The following RNH1 variants were observed in gnomAD, a reference collection of about 807,000 sequenced individuals.
The protein encoded by RNH1 is ribonuclease inhibitor.
A neutral mutation model predicts 46.1 loss-of-function variants in RNH1; 38 were observed. The observed-to-expected ratio is 0.82, with a 90% CI of 0.64 to 1.08. The LOEUF (loss-of-function observed/expected upper bound fraction) is 1.08, where lower values mean the gene tolerates loss of function less well. RNH1 is among the 50% of genes least tolerant of loss of function. The probability of loss-of-function intolerance (pLI) is 0.00; values close to 1 mark genes in which losing one functional copy is unlikely to be tolerated. For synonymous variants in RNH1, 319 were observed against 279.1 expected, an observed-to-expected ratio of 1.14 and a Z score of -1.43; for missense variants, 577 against 590.7, an observed-to-expected ratio of 0.98 and a Z score of 0.24.
At chr11:500,446 C>T in intron 4 of RNH1, 38 bp downstream of exon 4, 1 of 1,580,998 alleles carries the variant, frequency 6.3e-7, no homozygotes, top group Non-Finnish European at 8.6e-7. Context: ...CCAAAGCAGA[C>T]TGCACCAGGC....
At chr11:506,526 C>G (rs998739815) in intron 1 of RNH1, 4 of 152,156 alleles carry the variant, frequency 2.6e-5, no homozygotes, top group Admixed American at 2.6e-4. Context: ...GGCGTCCGGT[C>G]CCCCGGTGGT....
intron 1 of RNH1, 38 bp from the exon 2 acceptor site, chr11:505,034 T>G (rs1229234649): frequency 6.6e-6 from 1 of 152,114 alleles, no homozygotes; most frequent in Non-Finnish European, 1.5e-5. Context: ...TTTTTTTTTT[T>G]GTTTGGTCCC....
chr11:499,119 C>T lies in RNH1; in HGVS notation c.510G>A (p.Pro170=), dbSNP rs765669919. ...EPLASVLRAK[P]DFKELTVSNN... ...TGCTAACCGTGAGCTCCTTGAAGTC[C>T]GGCTTGGCCCTGAGCACGGAGGCCA... The change falls in exon 6 of 11, where the codon CCG becomes CCA. Residue 170 remains proline (P), a synonymous_variant. Coordinates refer to ENST00000354420, the MANE Select transcript of RNH1 (RefSeq NM_203387.3). 1.2e-5 allele frequency: 19 copies of T among 1,613,298 alleles called. No individual in the cohort carries two copies. Among genetic ancestry groups the T allele is most frequent in the Admixed American group, 1.7e-5 (1 of 60,010 alleles).
intron 5 of RNH1, chr11:499,505 C>G (rs764608331): frequency 1.2e-4 from 86 of 696,630 alleles, no homozygotes; most frequent in Non-Finnish European, 2.4e-5. Flanking sequence ...GGCCGGGTCC[C>G]CCACACACAC....
At position 499,194 on chromosome 11, in the gene RNH1, C is replaced by A; in HGVS notation, c.444-9G>T. ...GGCTGCAATACTCCAGCCTGGGGGACAGCAGAGCTCAGCACCACACAGGAA... is the reference window on the plus strand; with the variant it reads ...GGCTGCAATACTCCAGCCTGGGGGAAAGCAGAGCTCAGCACCACACAGGAA... On this transcript the variant is annotated splice_polypyrimidine_tract_variant and intron_variant, in intron 5 of 10. Coordinates refer to ENST00000354420, the MANE Select transcript of RNH1 (RefSeq NM_203387.3). 1 of 1,610,810 alleles carries A rather than the reference C, an allele frequency of 6.2e-7. No individual in the cohort carries two copies. Among genetic ancestry groups the A allele is most frequent in the Non-Finnish European group, 8.5e-7 (1 of 1,179,946 alleles).
intron 5 of RNH1, 81 bp downstream of exon 5, chr11:499,748 G>A (rs770458612): frequency 1.2e-5 from 18 of 1,535,000 alleles, no homozygotes; most frequent in Non-Finnish European, 1.6e-5. Flanking sequence ...CACGGCTCCT[G>A]GCAGGCGATG....
chr11:495,192 G>C (rs2133865164), intron 9 of RNH1, 139 bp from the exon 10 acceptor site: 1 of 846,516 alleles, frequency 1.2e-6, no homozygotes, highest in Admixed American at 2.7e-5. Context: ...CGTCCCCAAG[G>C]CTCACCGTCC....
Position 502,426 on chromosome 11 carries a change from G to C in RNH1, c.-87-177C>G. ...AGGCCACCATGGGCAGCAGAGCTTG[G>C]GTAATGCAGATGCCAGCCCATCTCC... On this transcript the variant is annotated intron_variant, in intron 2 of 10. Transcript: ENST00000354420. The surrounding 1 kb of genome is among the most constrained non-coding windows in gnomAD (Gnocchi z 5.8). The C allele has an allele frequency of 1.8e-6, 1 of 547,462 alleles. No homozygotes were observed. The highest frequency in any genetic ancestry group is 1.9e-5 in the African/African-American group (1 of 53,146). The allele number at this position is 547,462 out of a possible 1,614,324, so 33.9% of individuals were successfully genotyped here. A position where few individuals can be genotyped will look rare whatever the true frequency, so the allele number is the denominator to read the frequency against.
At chr11:505,385 T>A (rs1850176873) in intron 1 of RNH1, 1 of 152,014 alleles carries the variant, frequency 6.6e-6, no homozygotes, top group African/African-American at 2.4e-5. Context: ...TACCCTGGGG[T>A]GTCTGGGCGG....
At chr11:505,238 C>T (rs547946321) in intron 1 of RNH1, 1 of 152,312 alleles carries the variant, frequency 6.6e-6, no homozygotes, top group African/African-American at 2.4e-5. Context: ...TACATTTTAA[C>T]TATTCTTATC....
At chr11:504,756 C>A (rs888063133) in intron 2 of RNH1, 68 bp downstream of exon 2, 4 of 152,258 alleles carry the variant, frequency 2.6e-5, no homozygotes, top group Admixed American at 6.5e-5. Context: ...CTCGAGGGAC[C>A]GGCCCCTGCC....
At chr11:500,315 C>G in intron 4 of RNH1, 169 bp downstream of exon 4, 3 of 835,426 alleles carry the variant, frequency 3.6e-6, no homozygotes, top group Non-Finnish European at 5.5e-6. Context: ...CCTGTCCCCC[C>G]CGCTGTGAGA....
chr11:499,290 TG>T (rs2133895649), intron 5 of RNH1, 105 bp from the exon 6 acceptor site: 5 of 1,285,742 alleles, frequency 3.9e-6, no homozygotes, highest in Non-Finnish European at 5.4e-6. Flanking sequence ...CTCAGTCTTC[TG>T]CCTGGGCATC....
intron 9 of RNH1, 150 bp downstream of exon 9, chr11:497,819 TCA>T (rs770687577): frequency 2.5e-4 from 223 of 904,950 alleles, no homozygotes; most frequent in Middle Eastern, 7.1e-4. Context: ...ACTCATATGC[TCA>T]CACACGTGCT....
intron 1 of RNH1, chr11:505,243 C>T (rs976941074): frequency 1.3e-5 from 2 of 152,164 alleles, no homozygotes; most frequent in Non-Finnish European, 2.9e-5. Context: ...TTTAACTATT[C>T]TTATCGACAG....
chr11:499,973 GCCC>G lies in RNH1; in HGVS notation c.296_298del (p.Gly99del). The stretch of plus-strand genomic sequence containing the variant: ...TGTGCTGGACAGGACCCCGCAGCCG[GCCC>G]CCGTCAGGCAGCAGTTCTGGAGGCT... On this transcript the variant is annotated inframe_deletion, in exon 5 of 11. Transcript: ENST00000354420. The G allele has an allele frequency of 6.3e-7, 1 of 1,586,530 alleles. No homozygotes were observed. The highest frequency in any genetic ancestry group is 8.6e-7 in the Non-Finnish European group (1 of 1,167,848).
chr11:501,144 T>G lies in RNH1; in HGVS notation c.102-490A>C, dbSNP rs1849714078. 1 of 290,220 alleles carries G rather than the reference T, an allele frequency of 3.4e-6. No homozygotes were observed. The highest frequency in any genetic ancestry group is 6.8e-6 in the Non-Finnish European group (1 of 147,976). 18.0% of individuals were successfully genotyped at this position (290,220 alleles called of 1,614,324 possible). A position where few individuals can be genotyped will look rare whatever the true frequency, so the allele number is the denominator to read the frequency against. On this transcript the variant is annotated intron_variant, in intron 3 of 10. Coordinates refer to ENST00000354420, the MANE Select transcript of RNH1 (RefSeq NM_203387.3). The surrounding 1 kb of genome is among the most constrained non-coding windows in gnomAD (Gnocchi z 4.1). ...CTCTAAAAATAAAAAGAATTTAAAG[T>G]ATCTCTCGAAGGCACTGATCAGTCA...
intron 9 of RNH1, 40 bp from the exon 10 acceptor site, chr11:495,093 C>T: frequency 6.3e-7 from 1 of 1,580,840 alleles, no homozygotes. Context: ...CCGGGCGTGC[C>T]TGGCACCGCA....
intron 4 of RNH1, 176 bp from the exon 5 acceptor site, chr11:500,175 G>C (rs1849615026): frequency 5.3e-6 from 4 of 753,206 alleles, no homozygotes; most frequent in Non-Finnish European, 8.4e-6. Context: ...GGGCACGCAT[G>C]TGGCTCGACC....
Sources: gnomAD v4.1 joint callset for allele counts on GRCh38, gnomAD v4.1.1 for gene constraint, Gnocchi (gnomAD v3.1) non-coding constraint, MANE v1.5 for transcripts, NCBI Gene and HGNC (gene_info 2026-07-23, HGNC 2026-07-21) for gene names.